The following FSTL4 variants were observed in gnomAD, a reference collection of about 807,000 sequenced individuals.
The protein encoded by FSTL4 is follistatin like 4, also known as follistatin-related protein 4.
In FSTL4, 28 loss-of-function variants were observed where a neutral mutation model predicts 78.2. The observed-to-expected ratio is 0.36, with a 90% confidence interval of 0.27 to 0.49. FSTL4 has a LOEUF of 0.49. Among genes scored for constraint, FSTL4 ranks in the 20% least tolerant of loss-of-function variants. The pLI is 0.98. For missense variants in FSTL4, 922 were observed against 1,084.9 expected, an observed-to-expected ratio of 0.85 and a Z score of 2.11; for synonymous variants, 422 against 440.5, an observed-to-expected ratio of 0.96 and a Z score of 0.53.
intron 13 of FSTL4, among the ~76,000 whole-genome samples, chr5:133,215,490 C>T (rs985076642): frequency 1.3e-5 from 2 of 152,090 alleles, no homozygotes; most frequent in Non-Finnish European, 2.9e-5. Flanking sequence ...AATCACCCCC[C>T]AATCTGCTCC....
intron 6 of FSTL4, among the ~76,000 whole-genome samples, chr5:133,309,642 G>A: frequency 6.6e-6 from 1 of 152,206 alleles, no homozygotes; most frequent in Admixed American, 6.5e-5. Context: ...GCCAGGGCCA[G>A]GCCAGCTGCA....
At chr5:133,503,786 C>T (rs1401731754) in intron 3 of FSTL4, among the ~76,000 whole-genome samples, 1 of 152,202 alleles carries the variant, frequency 6.6e-6, no homozygotes, top group Non-Finnish European at 1.5e-5. Flanking sequence ...TAACTTAACA[C>T]GTCTAAACCA....
chr5:133,711,506 G>A, the FSTL4 span, among the ~76,000 whole-genome samples: 1 of 152,200 alleles, frequency 6.6e-6, no homozygotes, highest in Non-Finnish European at 1.5e-5. Flanking sequence ...CTAGCACCAG[G>A]TCTCTTCCCA....
intron 3 of FSTL4, among the ~76,000 whole-genome samples, chr5:133,446,640 G>A (rs561052713): frequency 6.6e-6 from 1 of 152,154 alleles, no homozygotes; most frequent in Non-Finnish European, 1.5e-5. Flanking sequence ...GGGGCCCTCC[G>A]CAGGTGGGAA....
intron 4 of FSTL4, among the ~76,000 whole-genome samples, chr5:133,382,697 C>T (rs903849388): frequency 7.2e-5 from 11 of 152,170 alleles, no homozygotes; most frequent in Non-Finnish European, 1.5e-4. Flanking sequence ...TTCAGACTGT[C>T]TCAACTCTGC....
intron 6 of FSTL4, among the ~76,000 whole-genome samples, chr5:133,312,176 C>T (rs541316060): frequency 3.9e-4 from 60 of 152,190 alleles, no homozygotes; most frequent in Non-Finnish European, 6.9e-4. Flanking sequence ...TCCCCTGCCT[C>T]TCTTCACATT....
intron 4 of FSTL4, among the ~76,000 whole-genome samples, chr5:133,369,695 C>T (rs1347129443): frequency 6.6e-6 from 1 of 152,152 alleles, no homozygotes; most frequent in East Asian, 1.9e-4. Flanking sequence ...TGGGCGCCTC[C>T]TACACAGTGT....
chr5:133,753,692 TGTG>T, the FSTL4 span, among the ~76,000 whole-genome samples: 47 of 102,846 alleles, frequency 4.6e-4, no homozygotes, highest in African/African-American at 7.4e-4. Flanking sequence ...TCTGTGTGTG[TGTG>T]TGTGTGTGTG....
At chr5:133,760,657 G>A in the FSTL4 span, among the ~76,000 whole-genome samples, 2 of 152,120 alleles carry the variant, frequency 1.3e-5, no homozygotes, top group Non-Finnish European at 2.9e-5. Context: ...AACAAGTCAG[G>A]CAGGTGACTT....
the FSTL4 span, among the ~76,000 whole-genome samples, chr5:133,701,509 A>ACACCCCCCCCC: frequency 7.5e-6 from 1 of 132,624 alleles, no homozygotes; most frequent in South Asian, 2.6e-4. Flanking sequence ...ACACACACAC[A>ACACCCCCCCCC]CCCCACAGGC....
chr5:133,426,759 T>C lies in FSTL4; in HGVS notation c.161-25773A>G, dbSNP rs957489470. 2.0e-5 allele frequency among the ~76,000 whole-genome samples: 3 copies of C among 152,180 alleles called. No homozygotes were observed. Among genetic ancestry groups the C allele is most frequent in the African/African-American group, 4.8e-5 (2 of 41,440 alleles). ...CAGTCAGCCAGTTCTGCTTTAATAA[T>C]GCACTGATAGAAGCTCCAGTTCCCT... On this transcript the variant is annotated intron_variant, in intron 3 of 15. Coordinates refer to ENST00000265342, the MANE Select transcript of FSTL4 (RefSeq NM_015082.2). This position sits in a 1 kb window ranked among gnomAD's most constrained non-coding sequence, Gnocchi z 5.0.
chr5:133,391,422 G>A (rs1374894932), intron 4 of FSTL4, among the ~76,000 whole-genome samples: 2 of 152,168 alleles, frequency 1.3e-5, no homozygotes, highest in African/African-American at 4.8e-5. Context: ...GTCCACACAG[G>A]GCCTTCCTCA....
intron 3 of FSTL4, among the ~76,000 whole-genome samples, chr5:133,434,893 T>C (rs1282489787): frequency 2.0e-5 from 3 of 152,190 alleles, no homozygotes; most frequent in African/African-American, 7.2e-5. Flanking sequence ...TAATGATGTG[T>C]ATTTGGTGGA....
intron 3 of FSTL4, among the ~76,000 whole-genome samples, chr5:133,522,194 C>G (rs1263608175): frequency 1.3e-5 from 2 of 152,082 alleles, no homozygotes; most frequent in African/African-American, 4.8e-5. Context: ...AAGACAGGAC[C>G]ACCGATAGTG....
At chr5:133,359,655 C>T (rs1755027499) in intron 4 of FSTL4, among the ~76,000 whole-genome samples, 1 of 152,162 alleles carries the variant, frequency 6.6e-6, no homozygotes, top group Non-Finnish European at 1.5e-5. Context: ...CTGAATTTAG[C>T]CACTTATTGT....
the FSTL4 span, among the ~76,000 whole-genome samples, chr5:133,778,759 G>T: frequency 6.6e-6 from 1 of 152,166 alleles, no homozygotes; most frequent in East Asian, 1.9e-4. Flanking sequence ...CACTCGCAGC[G>T]CTGACTCTCT....
At chr5:133,535,900 T>C (rs1463603749) in intron 3 of FSTL4, among the ~76,000 whole-genome samples, 1 of 152,168 alleles carries the variant, frequency 6.6e-6, no homozygotes, top group Non-Finnish European at 1.5e-5. Flanking sequence ...AGTGTCGTCG[T>C]TTTGTGTCAT....
intron 6 of FSTL4, among the ~76,000 whole-genome samples, chr5:133,303,279 G>C (rs765244291): frequency 2.0e-5 from 3 of 152,236 alleles, no homozygotes; most frequent in Non-Finnish European, 4.4e-5. Flanking sequence ...CTAAAGAGCT[G>C]CTCAGGAAGG....
At chr5:133,352,824 T>C (rs1453157546) in intron 4 of FSTL4, among the ~76,000 whole-genome samples, 1 of 152,244 alleles carries the variant, frequency 6.6e-6, no homozygotes, top group Non-Finnish European at 1.5e-5. Flanking sequence ...GGTGTGTATG[T>C]ACCACATTTT....
Sources: allele counts gnomAD v4.1 joint callset (sites outside exome capture counted in the v4.1 genomes callset), GRCh38; gene constraint gnomAD v4.1.1; non-coding constraint Gnocchi (gnomAD v3.1); transcripts MANE v1.5; gene names NCBI Gene and HGNC (gene_info 2026-07-23, HGNC 2026-07-21).